SMAD3: variants seen among roughly 807,000 people sequenced by gnomAD.
The protein encoded by SMAD3 is MAD homolog 3.
Under a neutral mutation model 51.8 loss-of-function variants are expected in SMAD3, and 12 were observed. The ratio of observed to expected loss-of-function variants is 0.23; its 90% CI spans 0.15 to 0.38. SMAD3 has a LOEUF of 0.38. Ranked by LOEUF, SMAD3 falls within the 10% of genes least tolerant of loss-of-function variation. SMAD3 has a pLI of 1.00. For missense variants in SMAD3, 294 were observed against 565.6 expected, an observed-to-expected ratio of 0.52 and a Z score of 4.87; for synonymous variants, 238 against 227.7, an observed-to-expected ratio of 1.05 and a Z score of -0.41.
At chr15:67,111,737 A>G (rs577111774) in intron 1 of SMAD3, among the ~76,000 whole-genome samples, 2 of 152,164 alleles carry the variant, frequency 1.3e-5, no homozygotes, top group Admixed American at 6.5e-5. Context: ...GCATTTCCCT[A>G]TTGGCTAATG....
rs777133644 is a variant in SMAD3 at position 67,066,374 on chromosome 15, C to CG, written c.206+21dup. 5.6e-6 allele frequency: 9 copies of CG among 1,606,642 alleles called. No homozygotes were observed. The highest frequency in any genetic ancestry group is 2.2e-5 in the East Asian group (1 of 44,580). ...CACCATCCCCAGGTGGGGGCCCGCC[C>CG]GGGGGGGACCCGGGGTCACGCCGGC... is the stretch of plus-strand genomic sequence containing the variant. On this transcript the variant is annotated intron_variant, in intron 1 of 8. Coordinates refer to ENST00000327367, the MANE Select transcript of SMAD3 (RefSeq NM_005902.4).
chr15:67,079,093 C>G (rs887022663), intron 1 of SMAD3, among the ~76,000 whole-genome samples: 1 of 152,024 alleles, frequency 6.6e-6, no homozygotes, highest in Non-Finnish European at 1.5e-5. Flanking sequence ...ATTCTCCTGC[C>G]TCAGCCTCCC....
At chr15:67,109,099 T>C (rs1960944869) in intron 1 of SMAD3, among the ~76,000 whole-genome samples, 1 of 152,232 alleles carries the variant, frequency 6.6e-6, no homozygotes, top group Non-Finnish European at 1.5e-5. Flanking sequence ...TGATAAAGCA[T>C]GGTCACTTCA....
At chr15:67,084,070 CTTTTTTTTTTTTTTTTTTT>C (rs56675753) in intron 1 of SMAD3, among the ~76,000 whole-genome samples, 1 of 85,070 alleles carries the variant, frequency 1.2e-5, no homozygotes, top group Non-Finnish European at 2.2e-5. Flanking sequence ...CTTTTTTTTT[CTTTTTTTTTTTTTTTTTTT>C]TTTTGAGATG....
intron 1 of SMAD3, among the ~76,000 whole-genome samples, chr15:67,163,560 G>A (rs964583150): frequency 1.3e-5 from 2 of 152,154 alleles, no homozygotes; most frequent in African/African-American, 4.8e-5. Flanking sequence ...AAGCCACCCA[G>A]ACTCTCATCA....
chr15:67,137,487 C>T (rs1961695706), intron 1 of SMAD3, among the ~76,000 whole-genome samples: 2 of 152,302 alleles, frequency 1.3e-5, no homozygotes, highest in South Asian at 4.1e-4. Flanking sequence ...TTCTTTCCAC[C>T]ATTGTCCTGG....
At chr15:67,076,342 G>C (rs1357991651) in intron 1 of SMAD3, among the ~76,000 whole-genome samples, 1 of 152,222 alleles carries the variant, frequency 6.6e-6, no homozygotes, top group Non-Finnish European at 1.5e-5. Flanking sequence ...GTCTCCTGGG[G>C]CGGGGGATGG....
rs1366309801 is a variant in SMAD3, at chr15:67,177,462, C to T, written c.659-3779C>T. 3.4e-5 allele frequency among the ~76,000 whole-genome samples: 4 copies of T among 116,892 alleles called. No homozygotes were observed. The East Asian group carries it at 1.1e-3, about 32-fold the overall frequency. The allele number at this position is 116,892 out of a possible 152,430, so 76.7% of individuals were successfully genotyped here. ...GTGTGTGGCAGAGTCTTGCTCTATC[C>T]CCCAGGCTGGAGTGCAGTGGCGTGA... On this transcript the variant is annotated intron_variant, in intron 5 of 8. Transcript: ENST00000327367.
At chr15:67,132,394 A>G (rs930810540) in intron 1 of SMAD3, among the ~76,000 whole-genome samples, 1 of 152,164 alleles carries the variant, frequency 6.6e-6, no homozygotes, top group Non-Finnish European at 1.5e-5. Context: ...CCGGGAATCT[A>G]TATGCCCCTC....
intron 1 of SMAD3, among the ~76,000 whole-genome samples, chr15:67,130,024 G>C (rs997373958): frequency 2.0e-5 from 3 of 152,194 alleles, no homozygotes; most frequent in Admixed American, 6.5e-5. Context: ...GTGAGGAGCC[G>C]GGTGGGACCA....
At chr15:67,073,664 C>T (rs973659186) in intron 1 of SMAD3, among the ~76,000 whole-genome samples, 4 of 151,066 alleles carry the variant, frequency 2.6e-5, no homozygotes, top group African/African-American at 9.7e-5. Flanking sequence ...TTCATACAAG[C>T]ATTTTATTTT....
At chr15:67,087,988 G>C (rs755985881) in intron 1 of SMAD3, among the ~76,000 whole-genome samples, 10 of 152,172 alleles carry the variant, frequency 6.6e-5, no homozygotes, top group Non-Finnish European at 1.5e-4. Flanking sequence ...CAGAGTTCTT[G>C]TACTGACATG....
At chr15:67,138,139 T>TGA in intron 1 of SMAD3, 20 of 1,459,488 alleles carry the variant, frequency 1.4e-5, no homozygotes, top group Non-Finnish European at 1.8e-5. Flanking sequence ...TTCTCTTTCT[T>TGA]GAACTCGTCT....
At chr15:67,087,893 T>C (rs1960428486) in intron 1 of SMAD3, among the ~76,000 whole-genome samples, 1 of 152,172 alleles carries the variant, frequency 6.6e-6, no homozygotes, top group Admixed American at 6.5e-5. Context: ...ATGGTCTCTG[T>C]GCTTTGAAAT....
At chr15:67,170,807 C>G in intron 5 of SMAD3, 1 of 573,458 alleles carries the variant, frequency 1.7e-6, no homozygotes, top group Non-Finnish European at 3.1e-6. Flanking sequence ...GCAGGAAAGA[C>G]AACCATATGC....
rs1352381954 is a variant in SMAD3, at chr15:67,193,695, T to C, written c.*3159T>C. On this transcript the variant is annotated 3_prime_UTR_variant, in exon 9 of 9. Transcript: ENST00000327367. ...TTGTCCTTATGTTGTCTGTGTTGTA[T>C]TTTTTTTTTTTTATTGACCATGGTG... 1 of 152,262 alleles carries C rather than the reference T, an allele frequency of 6.6e-6. No homozygotes were observed. Among genetic ancestry groups the C allele is most frequent in the Non-Finnish European group, 1.4e-5 (1 of 70,048 alleles). The allele number at this position is 152,262 out of a possible 1,614,324, so 9.4% of individuals were successfully genotyped here.
intron 1 of SMAD3, among the ~76,000 whole-genome samples, chr15:67,100,197 A>AAG (rs963523325): frequency 4.6e-5 from 7 of 151,660 alleles, no homozygotes; most frequent in African/African-American, 1.7e-4. Flanking sequence ...AAAAAAAAAA[A>AAG]AAAGGAATGA....
At chr15:67,107,148 T>C (rs1348412413) in intron 1 of SMAD3, among the ~76,000 whole-genome samples, 1 of 149,130 alleles carries the variant, frequency 6.7e-6, no homozygotes, top group Non-Finnish European at 1.5e-5. Context: ...GTTTACTGAG[T>C]GCATTAAAAA....
Position 67,181,380 on chromosome 15 carries a change from G to T in SMAD3, c.798G>T (p.Ser266=), listed in dbSNP as rs761391442. 1.2e-6 allele frequency: 2 copies of T among 1,614,124 alleles called. No homozygotes were observed. The highest frequency in any genetic ancestry group is 1.7e-5 in the Admixed American group (1 of 60,022). The part of the protein sequence containing the change: ...TVDGFTDPSN[S]ERFCLGLLSN... ...ATGGCTTCACCGACCCCTCCAATTC[G>T]GAGCGCTTCTGCCTAGGGCTGCTCT... The change falls in exon 6 of 9, where the codon TCG becomes TCT. Residue 266 remains serine (S), a synonymous_variant. Transcript: ENST00000327367.
Sources: gnomAD v4.1 joint callset for allele counts (sites outside exome capture counted in the v4.1 genomes callset) on GRCh38, gnomAD v4.1.1 for gene constraint, MANE v1.5 for transcripts, NCBI Gene and HGNC (gene_info 2026-07-23, HGNC 2026-07-21) for gene names.